Variants in STK10 observed in about 807,000 individuals in gnomAD.
The protein encoded by STK10 is serine/threonine-protein kinase 10.
A neutral mutation model predicts 113.8 loss-of-function variants in STK10; 78 were observed. The observed-to-expected ratio is 0.69, with a 90% CI of 0.57 to 0.83. The LOEUF is 0.83. STK10 is among the 40% of genes least tolerant of loss of function. The probability of loss-of-function intolerance (pLI) is 0.00; values close to 1 mark genes in which losing one functional copy is unlikely to be tolerated. For missense variants in STK10, 1,109 were observed against 1,280.1 expected (o/e 0.87, Z 2.04); for synonymous variants, 465 against 494.7 (o/e 0.94, Z 0.80).
At position 172,162,793 on chromosome 5, in the gene STK10, T is replaced by C. The variant is rs1219459403; in HGVS notation, c.157-6005A>G. On this transcript the variant is annotated intron_variant, in intron 1 of 18. Transcript: ENST00000176763. ...CTGGCAAAGAAGGCCGCATGTCACC[T>C]TTACCTGGGTTTCCTGAAAAGGGAT... Among the ~76,000 whole-genome samples, 4 of 152,246 alleles carry C rather than the reference T, an allele frequency of 2.6e-5. No homozygotes were observed. In the East Asian group the frequency reaches 7.7e-4, roughly 29 times the overall value.
chr5:172,073,698 G>C (rs1320470385), intron 12 of STK10, among the ~76,000 whole-genome samples: 1 of 150,138 alleles, frequency 6.7e-6, no homozygotes, highest in Non-Finnish European at 1.5e-5. Context: ...TATAATCCTA[G>C]CACTTTGGGA....
Position 172,187,879 on chromosome 5 carries a change from G to T in STK10, c.156+8C>A. On this transcript the variant is annotated splice_region_variant and intron_variant, in intron 1 of 18. Transcript: ENST00000176763. The surrounding 1 kb of genome is among the most constrained non-coding windows in gnomAD (Gnocchi z 4.6). ...CGCGCGTCCGGCCACCCACCTCAGC[G>T]CCCTCACCTTGTAAACCTTGCCGAA... The T allele has an allele frequency of 6.2e-7, 1 of 1,612,442 alleles. No homozygotes were observed. The highest frequency in any genetic ancestry group is 2.2e-5 in the East Asian group (1 of 44,806).
chr5:172,121,645 A>G (rs2113782415), intron 3 of STK10, among the ~76,000 whole-genome samples: 1 of 152,206 alleles, frequency 6.6e-6, no homozygotes, highest in Middle Eastern at 3.4e-3. Context: ...CGTCTCTACT[A>G]AAAATACAAA....
At chr5:172,135,561 T>A (rs906969576) in intron 2 of STK10, among the ~76,000 whole-genome samples, 7 of 151,932 alleles carry the variant, frequency 4.6e-5, no homozygotes, top group African/African-American at 1.7e-4. Context: ...TATGGAGAAA[T>A]TGGAACCTTC....
intron 4 of STK10, 143 bp downstream of exon 4, chr5:172,117,338 G>T: frequency 1.2e-6 from 1 of 817,998 alleles, no homozygotes; most frequent in Non-Finnish European, 1.9e-6. Context: ...AGGAAGGGGA[G>T]AACTGCTGAC....
chr5:172,048,596 C>G (rs1029349562), intron 18 of STK10, among the ~76,000 whole-genome samples: 1 of 151,900 alleles, frequency 6.6e-6, no homozygotes, highest in Non-Finnish European at 1.5e-5. Context: ...TGGACAAATT[C>G]CCCCAACCTC....
chr5:172,082,828 G>A lies in STK10; in HGVS notation c.1809+133C>T, dbSNP rs1768463647. The A allele has an allele frequency of 7.2e-6, 10 of 1,398,212 alleles. No individual in the cohort carries two copies. The highest frequency in any genetic ancestry group is 2.6e-4 in the Middle Eastern group (1 of 3,780). The allele number at this position is 1,398,212 out of a possible 1,614,324, so 86.6% of individuals were successfully genotyped here. A position where few individuals can be genotyped will look rare whatever the true frequency, so the allele number is the denominator to read the frequency against. On this transcript the variant is annotated intron_variant, in intron 11 of 18. Coordinates refer to ENST00000176763, the MANE Select transcript of STK10 (RefSeq NM_005990.4). This position sits in a 1 kb window ranked among gnomAD's most constrained non-coding sequence, Gnocchi z 4.3. ...TAACAAGTCACTGCCTAACAAGATC[G>A]GGAAGCCCCCAGGAATTGGGCAATT...
At chr5:172,077,005 G>A (rs1768324755) in intron 12 of STK10, among the ~76,000 whole-genome samples, 1 of 146,472 alleles carries the variant, frequency 6.8e-6, no homozygotes, top group Non-Finnish European at 1.5e-5. Context: ...TAAAAGTAGA[G>A]TCACATGGGA....
chr5:172,047,772 C>T (rs1324186857), intron 18 of STK10, among the ~76,000 whole-genome samples: 1 of 152,132 alleles, frequency 6.6e-6, no homozygotes, highest in Admixed American at 6.6e-5. Context: ...GCAGTTCTCT[C>T]CTCAGAGAGT....
At chr5:172,085,701 AAGAG>A (rs1415193562) in intron 10 of STK10, among the ~76,000 whole-genome samples, 2 of 145,808 alleles carry the variant, frequency 1.4e-5, no homozygotes, top group Admixed American at 6.9e-5. Flanking sequence ...AAAAAAAAAA[AAGAG>A]AGAGAAAATT....
chr5:172,055,863 C>A, intron 15 of STK10, 87 bp from the exon 16 acceptor site: 1 of 1,212,640 alleles, frequency 8.2e-7, no homozygotes, highest in South Asian at 2.8e-5. Context: ...ACACTCCACT[C>A]AGGGGCCCAG....
chr5:172,065,565 G>A (rs1227957939), intron 12 of STK10, among the ~76,000 whole-genome samples: 1 of 152,136 alleles, frequency 6.6e-6, no homozygotes, highest in Non-Finnish European at 1.5e-5. Context: ...AGCCCCTGAG[G>A]TCCAGGTGAA....
At chr5:172,098,001 T>C (rs773542096) in intron 7 of STK10, among the ~76,000 whole-genome samples, 2 of 152,108 alleles carry the variant, frequency 1.3e-5, no homozygotes, top group Non-Finnish European at 2.9e-5. Context: ...GGGAAAGGAA[T>C]GATGGGGTGG....
At chr5:172,098,440 G>T (rs1211662774) in intron 7 of STK10, among the ~76,000 whole-genome samples, 1 of 152,090 alleles carries the variant, frequency 6.6e-6, no homozygotes, top group African/African-American at 2.4e-5. Flanking sequence ...CCCTGAGACT[G>T]GACTGAGCTT....
intron 18 of STK10, among the ~76,000 whole-genome samples, chr5:172,048,329 C>T (rs965955047): frequency 2.0e-5 from 3 of 151,596 alleles, no homozygotes; most frequent in South Asian, 2.1e-4. Flanking sequence ...GCTGACCTGT[C>T]CTGCAGATTT....
intron 10 of STK10, among the ~76,000 whole-genome samples, chr5:172,084,670 C>CTTT (rs1158276616): frequency 6.9e-6 from 1 of 145,004 alleles, no homozygotes; most frequent in African/African-American, 2.5e-5. Flanking sequence ...TATCTTCTTT[C>CTTT]TTTTTTTTTT....
rs888405763 is a variant in STK10, at chr5:172,082,306, C to T, written c.1989+20G>A. On this transcript the variant is annotated intron_variant, in intron 12 of 18. Transcript: ENST00000176763. The surrounding 1 kb of genome is among the most constrained non-coding windows in gnomAD (Gnocchi z 4.3). ...CCTAATACTCCGAGATGCCCCTGCC[C>T]CCACTGAGCACATACTCACCTCTTT... is the stretch of plus-strand genomic sequence containing the variant. 3 of 1,503,306 alleles carry T rather than the reference C, an allele frequency of 2.0e-6. No individual in the cohort carries two copies. The highest frequency in any genetic ancestry group is 2.7e-6 in the Non-Finnish European group (3 of 1,125,582). The allele number at this position is 1,503,306 out of a possible 1,614,324, so 93.1% of individuals were successfully genotyped here.
intron 12 of STK10, among the ~76,000 whole-genome samples, chr5:172,080,196 A>C (rs973659979): frequency 6.6e-6 from 1 of 152,130 alleles, no homozygotes. Context: ...TAAGACAGCA[A>C]ACTTAATCAA....
chr5:172,175,745 G>C (rs557414267), intron 1 of STK10, among the ~76,000 whole-genome samples: 1 of 152,226 alleles, frequency 6.6e-6, no homozygotes, highest in South Asian at 2.1e-4. Context: ...CAACAAGCCC[G>C]TTTGTCTTTC....
Sources: allele counts gnomAD v4.1 joint callset (sites outside exome capture counted in the v4.1 genomes callset), GRCh38; gene constraint gnomAD v4.1.1; non-coding constraint Gnocchi (gnomAD v3.1); transcripts MANE v1.5; gene names NCBI Gene and HGNC (gene_info 2026-07-23, HGNC 2026-07-21).